Variants in MAST4 observed in about 807,000 individuals in gnomAD.
MAST4 encodes the protein microtubule associated serine/threonine kinase family member 4, also known as microtubule-associated serine/threonine-protein kinase 4.
Under a neutral mutation model 162.7 loss-of-function variants are expected in MAST4, and 89 were observed. The ratio of observed to expected loss-of-function variants is 0.55; its 90% CI spans 0.46 to 0.65. The LOEUF (loss-of-function observed/expected upper bound fraction) is 0.65. Ranked by LOEUF, MAST4 falls within the 30% of genes least tolerant of loss-of-function variation. The pLI is 0.00. For synonymous variants in MAST4, 1,479 were observed against 1,361.1 expected, an observed-to-expected ratio of 1.09 and a Z score of -1.91; for missense variants, 3,153 against 3,374.0, an observed-to-expected ratio of 0.93 and a Z score of 1.62.
chr5:66,791,293 GGATT>G (rs1755394021), intron 3 of MAST4, among the ~76,000 whole-genome samples: 1 of 152,168 alleles, frequency 6.6e-6, no homozygotes, highest in African/African-American at 2.4e-5. Context: ...CAAAGTGCTG[GGATT>G]ACAGGCATTA....
intron 4 of MAST4, among the ~76,000 whole-genome samples, chr5:66,968,426 C>G (rs1445234368): frequency 6.6e-6 from 1 of 152,184 alleles, no homozygotes; most frequent in Non-Finnish European, 1.5e-5. Context: ...TCAGCTGTGA[C>G]TGAAAACACA....
At position 67,166,431 on chromosome 5, in the gene MAST4, A is replaced by C; in HGVS notation, c.7252A>C (p.Arg2418=). The stretch of plus-strand genomic sequence containing the variant: ...GGTGGGGAAGGGCTTCCCTGAGGCC[A>C]GAGGGAAAGGGCCCGGTCCCCAGAA... ...AGVGKGFPEA[R]GKGPGPQKPP... is the part of the protein sequence containing the mutation. Residue 2418 remains arginine (R), a synonymous_variant, in exon 29 of 29, where the codon AGA becomes CGA. Transcript: ENST00000403625. 1.2e-6 allele frequency: 2 copies of C among 1,605,502 alleles called. No homozygotes were observed. Among genetic ancestry groups the C allele is most frequent in the Admixed American group, 1.7e-5 (1 of 59,066 alleles).
At chr5:66,858,599 G>A (rs1759857287) in intron 3 of MAST4, among the ~76,000 whole-genome samples, 1 of 152,036 alleles carries the variant, frequency 6.6e-6, no homozygotes, top group African/African-American at 2.4e-5. Context: ...CTTGACTTTT[G>A]TAGGGCACGT....
intron 1 of MAST4, among the ~76,000 whole-genome samples, chr5:66,696,592 T>C (rs1749418214): frequency 6.6e-6 from 1 of 152,204 alleles, no homozygotes; most frequent in Admixed American, 6.5e-5. Context: ...AGTCCAACTA[T>C]GTTTTCTTCC....
rs1387872973 is a variant in MAST4 at position 67,160,575 on chromosome 5, G to A, written c.3768G>A (p.Lys1256=). 1 of 1,613,444 alleles carries A rather than the reference G, an allele frequency of 6.2e-7. No homozygotes were observed. Among genetic ancestry groups the A allele is most frequent in the African/African-American group, 1.3e-5 (1 of 75,018 alleles). The change falls in exon 27 of 29, where the codon AAG becomes AAA. Residue 1256 remains lysine, a synonymous_variant. Transcript: ENST00000403625. ...RMVRRSKKSK[K]KESLERRRSL... is the part of the protein sequence containing the mutation. ...TGAGGCGGAGCAAGAAATCCAAGAA[G>A]AAAGAAAGTCTCGAAAGGTTAGTAA...
intron 3 of MAST4, among the ~76,000 whole-genome samples, chr5:66,894,166 C>T (rs1762535097): frequency 1.3e-5 from 2 of 152,260 alleles, no homozygotes; most frequent in African/African-American, 4.8e-5. Flanking sequence ...GAAAACAATC[C>T]AAAGGCAAAT....
intron 1 of MAST4, among the ~76,000 whole-genome samples, chr5:66,717,222 A>G (rs1580278286): frequency 6.6e-6 from 1 of 152,156 alleles, no homozygotes; most frequent in Non-Finnish European, 1.5e-5. Flanking sequence ...TTGGAGGTGG[A>G]GAGGAGGGAT....
At position 66,596,403 on chromosome 5, in the gene MAST4, G is replaced by A. The variant is rs918532140; in HGVS notation, c.-253G>A. 12 of 384,548 alleles carry A rather than the reference G, an allele frequency of 3.1e-5. 1 individual carries two copies. The Middle Eastern group carries it at 4.6e-3, about 146-fold the overall frequency. The allele number at this position is 384,548 out of a possible 1,614,324, so 23.8% of individuals were successfully genotyped here. A position where few individuals can be genotyped will look rare whatever the true frequency, so the allele number is the denominator to read the frequency against. ...GTGCAGCGCGGGAGCACAGTGGAGCGCAGATCGCGGACCCGAGCGGGCATG... is the reference window on the plus strand; with the variant it reads ...GTGCAGCGCGGGAGCACAGTGGAGCACAGATCGCGGACCCGAGCGGGCATG... On this transcript the variant is annotated 5_prime_UTR_variant, in exon 1 of 29. Coordinates refer to ENST00000403625, the MANE Select transcript of MAST4 (RefSeq NM_001164664.2).
rs2150031157 is a variant in MAST4 at position 66,916,721 on chromosome 5, A to G, written c.674+16739A>G. On this transcript the variant is annotated intron_variant, in intron 4 of 28. Transcript: ENST00000403625. ...GTTGCTACTACCTGTCTTAAACAAGATGTTAAGCACCCACTCTTTAGTTTT... is the reference window on the plus strand; with the variant it reads ...GTTGCTACTACCTGTCTTAAACAAGGTGTTAAGCACCCACTCTTTAGTTTT... 1.3e-5 allele frequency among the ~76,000 whole-genome samples: 2 copies of G among 152,264 alleles called. 1 individual carries two copies. Among genetic ancestry groups the G allele is most frequent in the South Asian group, 4.1e-4 (2 of 4,824 alleles).
chr5:67,119,248 G>GA (rs1277604206), intron 13 of MAST4, among the ~76,000 whole-genome samples: 13 of 151,888 alleles, frequency 8.6e-5, no homozygotes, highest in African/African-American at 2.7e-4. Flanking sequence ...GTTATGGCTT[G>GA]AAAAAAAATC....
intron 3 of MAST4, among the ~76,000 whole-genome samples, chr5:66,809,810 A>G (rs1756390512): frequency 6.6e-6 from 1 of 152,104 alleles, no homozygotes; most frequent in African/African-American, 2.4e-5. Context: ...ATATCGACTC[A>G]CTGCAACCTC....
chr5:66,773,598 C>T (rs1754454404), intron 2 of MAST4, among the ~76,000 whole-genome samples: 1 of 152,138 alleles, frequency 6.6e-6, no homozygotes, highest in African/African-American at 2.4e-5. Context: ...AGAAGTAGGG[C>T]CTTTAAGAGA....
At chr5:66,942,150 C>G (rs184731278) in intron 4 of MAST4, among the ~76,000 whole-genome samples, 1 of 152,156 alleles carries the variant, frequency 6.6e-6, no homozygotes, top group Admixed American at 6.5e-5. Flanking sequence ...GATAGATTTG[C>G]TCTATGCAGG....
intron 4 of MAST4, among the ~76,000 whole-genome samples, chr5:66,911,286 A>G (rs930171117): frequency 6.6e-6 from 1 of 152,212 alleles, no homozygotes; most frequent in African/African-American, 2.4e-5. Flanking sequence ...ATGAGAGGAA[A>G]AAGTTTTACT....
At chr5:67,132,413 G>GC (rs1561696907) in intron 16 of MAST4, among the ~76,000 whole-genome samples, 1 of 150,686 alleles carries the variant, frequency 6.6e-6, no homozygotes, top group African/African-American at 2.4e-5. Flanking sequence ...ATTTTTTTAA[G>GC]TTTTTTTTTC....
At chr5:66,598,071 C>T (rs1389789419) in intron 1 of MAST4, among the ~76,000 whole-genome samples, 1 of 152,102 alleles carries the variant, frequency 6.6e-6, no homozygotes, top group Non-Finnish European at 1.5e-5. Context: ...AAATAATTGC[C>T]TTTGTCCCTT....
intron 1 of MAST4, among the ~76,000 whole-genome samples, chr5:66,750,038 C>T (rs1280778203): frequency 1.3e-5 from 2 of 152,144 alleles, no homozygotes; most frequent in Non-Finnish European, 2.9e-5. Context: ...ATAGTCTCTG[C>T]AGTTTTATAA....
intron 1 of MAST4, among the ~76,000 whole-genome samples, chr5:66,747,147 G>A (rs1752818546): frequency 6.6e-6 from 1 of 150,542 alleles, no homozygotes; most frequent in African/African-American, 2.5e-5. Flanking sequence ...TGTGTGTGTA[G>A]AGAAAAGGAA....
chr5:66,827,114 G>T (rs1757301184), intron 3 of MAST4, among the ~76,000 whole-genome samples: 1 of 152,170 alleles, frequency 6.6e-6, no homozygotes, highest in African/African-American at 2.4e-5. Flanking sequence ...CCTCTCTTAA[G>T]TGGCTTTTGT....
Sources: allele counts gnomAD v4.1 joint callset (sites outside exome capture counted in the v4.1 genomes callset), GRCh38; gene constraint gnomAD v4.1.1; transcripts MANE v1.5; gene names NCBI Gene and HGNC (gene_info 2026-07-23, HGNC 2026-07-21).